SLC9A3: variants seen among roughly 807,000 people sequenced by gnomAD.
SLC9A3 encodes sodium/hydrogen exchanger 3.
SLC9A3 carries 37 observed loss-of-function variants against 86.8 expected under a neutral mutation model. The observed-to-expected ratio is 0.43, with a 90% confidence interval of 0.33 to 0.56. SLC9A3 has a LOEUF of 0.56. Ranked by LOEUF, SLC9A3 falls within the 20% of genes least tolerant of loss-of-function variation. The probability of loss-of-function intolerance (pLI) is 0.06; values close to 1 mark genes in which losing one functional copy is unlikely to be tolerated. For missense variants in SLC9A3, 1,011 were observed against 1,171.9 expected (o/e 0.86, Z 2.00); for synonymous variants, 581 against 528.3 (o/e 1.10, Z -1.37).
chr5:523,989 G>T (rs1292358941), intron 1 of SLC9A3, 123 bp downstream of exon 1: 3 of 521,126 alleles, frequency 5.8e-6, no homozygotes, highest in Non-Finnish European at 9.4e-6. Context: ...CCGAGAGCCG[G>T]ACTCTCCCGG....
chr5:483,921 T>C (rs1739341199), intron 5 of SLC9A3, among the ~76,000 whole-genome samples: 2 of 152,246 alleles, frequency 1.3e-5, no homozygotes, highest in South Asian at 4.1e-4. Flanking sequence ...GCTCTGAAGG[T>C]CCCGCGCTAG....
chr5:498,416 CTTTT>C (rs1323442779), intron 1 of SLC9A3, among the ~76,000 whole-genome samples: 1 of 152,198 alleles, frequency 6.6e-6, no homozygotes, highest in Non-Finnish European at 1.5e-5. Flanking sequence ...GAGCCCTTTT[CTTTT>C]GAGACATCAT....
At chr5:522,939 C>CCG (rs1427255959) in intron 1 of SLC9A3, among the ~76,000 whole-genome samples, 5 of 151,978 alleles carry the variant, frequency 3.3e-5, no homozygotes, top group Admixed American at 6.6e-5. Flanking sequence ...GACTCCCCCC[C>CCG]GGCCAGCATC....
intron 1 of SLC9A3, among the ~76,000 whole-genome samples, chr5:522,284 T>C (rs1273764889): frequency 6.6e-6 from 1 of 152,232 alleles, no homozygotes; most frequent in Non-Finnish European, 1.5e-5. Flanking sequence ...TTGGGAGACC[T>C]GAAGGCTTTT....
In SLC9A3 at chr5:484,711, G is replaced by A. The variant is rs758513156; in HGVS notation, c.755-14C>T. 2.7e-5 allele frequency: 43 copies of A among 1,610,318 alleles called. No homozygotes were observed. The East Asian group carries it at 5.8e-4, about 22-fold the overall frequency. On this transcript the variant is annotated splice_polypyrimidine_tract_variant and intron_variant, in intron 4 of 16. Transcript: ENST00000264938. ...CGAAGAAGGACACTGGGTAGAGGAC[G>A]CCCTTTGTGGCCGTGCCGGCCTTCC...
Position 472,299 on chromosome 5 carries a change from G to A in SLC9A3, c.*1080C>T. On this transcript the variant is annotated 3_prime_UTR_variant, in exon 17 of 17. Coordinates refer to ENST00000264938, the MANE Select transcript of SLC9A3 (RefSeq NM_004174.4). ...GGTCCGGGGTCTAGGACAGGCTCAG[G>A]GGTCTCAGCAGGTTCTCCTTGGAGG... The A allele has an allele frequency of 5.8e-6, 2 of 342,482 alleles. No homozygotes were observed. Among genetic ancestry groups the A allele is most frequent in the Non-Finnish European group, 1.1e-5 (2 of 174,620 alleles). The allele number at this position is 342,482 out of a possible 1,614,324, so 21.2% of individuals were successfully genotyped here. A position where few individuals can be genotyped will look rare whatever the true frequency, so the allele number is the denominator to read the frequency against.
chr5:492,369 GA>G (rs1739808768), intron 1 of SLC9A3, among the ~76,000 whole-genome samples: 1 of 49,876 alleles, frequency 2.0e-5, no homozygotes, highest in Non-Finnish European at 4.1e-5. Flanking sequence ...GGAGGGGAGG[GA>G]GGTAGGGGGG....
At position 502,056 on chromosome 5, in the gene SLC9A3, C is replaced by T. The variant is rs1740302457; in HGVS notation, c.212-9985G>A. 2.0e-5 allele frequency among the ~76,000 whole-genome samples: 3 copies of T among 152,276 alleles called. No individual in the cohort carries two copies. The South Asian group carries it at 6.2e-4, about 31-fold the overall frequency. On this transcript the variant is annotated intron_variant, in intron 1 of 16. Coordinates refer to ENST00000264938, the MANE Select transcript of SLC9A3 (RefSeq NM_004174.4). ...TGCGCTCAAGTCACAAGGCGTTTTA[C>T]ACATTGTACATTTACAACACTCGAG...
At position 473,198 on chromosome 5, in the gene SLC9A3, G is replaced by C. The variant is rs376449150; in HGVS notation, c.*181C>G. On this transcript the variant is annotated 3_prime_UTR_variant, in exon 17 of 17. Transcript: ENST00000264938. Reference sequence around the variant, plus strand: ...CCGGCTCGCCCTCGGGCGGCTCTGCGGGCGCAGGCGCGGCACTCTCGGAGT... The same window carrying C: ...CCGGCTCGCCCTCGGGCGGCTCTGCCGGCGCAGGCGCGGCACTCTCGGAGT... The C allele has an allele frequency of 8.1e-5, 50 of 615,334 alleles. 1 individual carries two copies. In the South Asian group the frequency reaches 1.3e-3, roughly 16 times the overall value. 38.1% of individuals were successfully genotyped at this position (615,334 alleles called of 1,614,324 possible).
chr5:475,055 G>C lies in SLC9A3; in HGVS notation c.2329C>G (p.Pro777Ala), dbSNP rs765357168. Residue 777 changes from proline to alanine, a missense_variant, in exon 16 of 17, where the codon CCC becomes GCC. Coordinates refer to ENST00000264938, the MANE Select transcript of SLC9A3 (RefSeq NM_004174.4). ...TGCGAGGGGACCACCGTCTCCCCGG[G>C]AGACAGCCAGGGCGGCAGCCTGGCC... is the stretch of plus-strand genomic sequence containing the variant. ...LLARLPPWLS[P>A]GETVVPSQRA... is the part of the protein sequence containing the mutation. 20 of 1,611,976 alleles carry C rather than the reference G, an allele frequency of 1.2e-5. No individual in the cohort carries two copies. The African/African-American group carries it at 2.4e-4, about 19-fold the overall frequency.
chr5:524,103 G>T lies in SLC9A3; in HGVS notation c.211+9C>A. On this transcript the variant is annotated intron_variant, in intron 1 of 16. Coordinates refer to ENST00000264938, the MANE Select transcript of SLC9A3 (RefSeq NM_004174.4). Reference sequence around the variant, plus strand: ...CGCGGGCAGATCCGGAGACCCCGGGGCCACTTACCGATCTTGGCCAAGCTG... The same window carrying T: ...CGCGGGCAGATCCGGAGACCCCGGGTCCACTTACCGATCTTGGCCAAGCTG... 1.3e-6 allele frequency: 2 copies of T among 1,493,406 alleles called. No individual in the cohort carries two copies. Among genetic ancestry groups the T allele is most frequent in the South Asian group, 1.3e-5 (1 of 78,976 alleles). 92.5% of individuals were successfully genotyped at this position (1,493,406 alleles called of 1,614,324 possible). A position where few individuals can be genotyped will look rare whatever the true frequency, so the allele number is the denominator to read the frequency against.
At chr5:507,103 A>G (rs1740618527) in intron 1 of SLC9A3, among the ~76,000 whole-genome samples, 1 of 147,814 alleles carries the variant, frequency 6.8e-6, no homozygotes, top group Non-Finnish European at 1.5e-5. Context: ...TAAATAAATA[A>G]ATAAATAAAT....
Position 524,284 on chromosome 5 carries a change from C to G in SLC9A3, c.39G>C (p.Leu13=), listed in dbSNP as rs1579838151. Residue 13 remains leucine (L), a synonymous_variant, in exon 1 of 17, where the codon CTG becomes CTC. Transcript: ENST00000264938. Reference sequence around the variant, plus strand: ...GCCCGCCCAGCGCCAGCGCCAGCAGCAGCCCCCGGTCGGGGCCCCGGGCCC... The same window carrying G: ...GCCCGCCCAGCGCCAGCGCCAGCAGGAGCCCCCGGTCGGGGCCCCGGGCCC... ...GLGARGPDRG[L]LLALALGGLA... is the part of the protein sequence containing the mutation. 1.5e-6 allele frequency: 2 copies of G among 1,330,742 alleles called. No individual in the cohort carries two copies. Among genetic ancestry groups the G allele is most frequent in the Non-Finnish European group, 1.9e-6 (2 of 1,038,750 alleles). The allele number at this position is 1,330,742 out of a possible 1,614,324, so 82.4% of individuals were successfully genotyped here.
chr5:514,924 G>C (rs1430256925), intron 1 of SLC9A3, among the ~76,000 whole-genome samples: 1 of 152,124 alleles, frequency 6.6e-6, no homozygotes, highest in Non-Finnish European at 1.5e-5. Context: ...AGTCCAGAAG[G>C]GGACCCTGGC....
Position 473,239 on chromosome 5 carries a change from G to GCACTCT in SLC9A3, c.*139_*140insAGAGTG. ...CTCTCGGAGTTCTGCGCAGGCGCTG[G>GCACTCT]CGTGGGCGAGGCGGGGCTCGGGGCT... On this transcript the variant is annotated 3_prime_UTR_variant, in exon 17 of 17. Coordinates refer to ENST00000264938, the MANE Select transcript of SLC9A3 (RefSeq NM_004174.4). 2 of 945,812 alleles carry GCACTCT rather than the reference G, an allele frequency of 2.1e-6. No individual in the cohort carries two copies. Among genetic ancestry groups the GCACTCT allele is most frequent in the Non-Finnish European group, 2.7e-6 (2 of 730,042 alleles). 58.6% of individuals were successfully genotyped at this position (945,812 alleles called of 1,614,324 possible).
At chr5:490,230 C>T (rs1011707487) in intron 2 of SLC9A3, among the ~76,000 whole-genome samples, 16 of 152,262 alleles carry the variant, frequency 1.1e-4, no homozygotes, top group African/African-American at 3.9e-4. Flanking sequence ...GGGGAGCGGC[C>T]TGCCCCAGGG....
Position 472,532 on chromosome 5 carries a change from T to C in SLC9A3, c.*847A>G. On this transcript the variant is annotated 3_prime_UTR_variant, in exon 17 of 17. Coordinates refer to ENST00000264938, the MANE Select transcript of SLC9A3 (RefSeq NM_004174.4). ...GCGACAGCTCAGGCCGGAGACCTCG[T>C]CTGTGGGGACGGGCCGTGTCCGGGG... 2.9e-6 allele frequency: 1 copy of C among 342,546 alleles called. No individual in the cohort carries two copies. The highest frequency in any genetic ancestry group is 5.8e-6 in the Non-Finnish European group (1 of 172,870). The allele number at this position is 342,546 out of a possible 1,614,324, so 21.2% of individuals were successfully genotyped here.
At chr5:503,617 A>G (rs1740408528) in intron 1 of SLC9A3, among the ~76,000 whole-genome samples, 1 of 152,240 alleles carries the variant, frequency 6.6e-6, no homozygotes. Flanking sequence ...AAATGTCCCC[A>G]GTTTGGTGAA....
chr5:484,712 C>G lies in SLC9A3; in HGVS notation c.755-15G>C, dbSNP rs780718744. The G allele has an allele frequency of 6.2e-6, 10 of 1,610,562 alleles. No homozygotes were observed. The highest frequency in any genetic ancestry group is 8.5e-6 in the Non-Finnish European group (10 of 1,178,150). The stretch of plus-strand genomic sequence containing the variant: ...GAAGAAGGACACTGGGTAGAGGACG[C>G]CCTTTGTGGCCGTGCCGGCCTTCCG... On this transcript the variant is annotated splice_polypyrimidine_tract_variant and intron_variant, in intron 4 of 16. Coordinates refer to ENST00000264938, the MANE Select transcript of SLC9A3 (RefSeq NM_004174.4).
Sources: allele counts gnomAD v4.1 joint callset (sites outside exome capture counted in the v4.1 genomes callset), GRCh38; gene constraint gnomAD v4.1.1; transcripts MANE v1.5; gene names NCBI Gene and HGNC (gene_info 2026-07-23, HGNC 2026-07-21).